The following STX8 variants were observed in gnomAD, a reference collection of about 807,000 sequenced individuals.
STX8 encodes the protein syntaxin 8, also known as syntaxin-8.
In STX8, 23 loss-of-function variants were observed where a neutral mutation model predicts 37.5. That is an observed-to-expected ratio of 0.61 (90% CI 0.44 to 0.87). The LOEUF (loss-of-function observed/expected upper bound fraction) is 0.87, where lower values mean the gene tolerates loss of function less well. STX8 is among the 40% of genes least tolerant of loss of function. STX8 has a pLI of 0.00. For synonymous variants in STX8, 115 were observed against 99.1 expected (o/e 1.16, Z -0.95); for missense variants, 313 against 284.7 (o/e 1.10, Z -0.71).
intron 7 of STX8, among the ~76,000 whole-genome samples, chr17:9,283,720 G>A (rs1470936657): frequency 1.3e-5 from 2 of 152,152 alleles, no homozygotes; most frequent in Non-Finnish European, 2.9e-5. Flanking sequence ...TAAAAGCAAT[G>A]TTTTCAATAA....
intron 6 of STX8, among the ~76,000 whole-genome samples, chr17:9,485,569 G>C (rs1485771200): frequency 6.8e-6 from 1 of 146,310 alleles, no homozygotes; most frequent in Non-Finnish European, 1.5e-5. Context: ...GGAGTTCTTT[G>C]TTTTTGTTTT....
chr17:9,465,573 T>C (rs1905574583), intron 6 of STX8, among the ~76,000 whole-genome samples: 3 of 152,196 alleles, frequency 2.0e-5, no homozygotes, highest in South Asian at 2.1e-4. Flanking sequence ...AGATCAGCCA[T>C]ATCACAGGTG....
chr17:9,332,970 T>C (rs1199843761), intron 7 of STX8, among the ~76,000 whole-genome samples: 1 of 152,216 alleles, frequency 6.6e-6, no homozygotes, highest in Non-Finnish European at 1.5e-5. Flanking sequence ...GGCTTCAAGA[T>C]GAGAACGAGA....
chr17:9,533,335 A>G (rs1905894386), intron 4 of STX8, among the ~76,000 whole-genome samples: 1 of 152,076 alleles, frequency 6.6e-6, no homozygotes, highest in African/African-American at 2.4e-5. Flanking sequence ...GGGCAGGGTG[A>G]TATGTGCCTG....
At chr17:9,256,023 T>C (rs1906784091) in intron 7 of STX8, among the ~76,000 whole-genome samples, 1 of 152,238 alleles carries the variant, frequency 6.6e-6, no homozygotes, top group South Asian at 2.1e-4. Flanking sequence ...CAGGGAAAGC[T>C]GAGCCACACC....
At chr17:9,370,565 A>G (rs552390054) in intron 7 of STX8, among the ~76,000 whole-genome samples, 1 of 152,302 alleles carries the variant, frequency 6.6e-6, no homozygotes, top group Admixed American at 6.5e-5. Flanking sequence ...GTCGATTGAG[A>G]CAGCATTAAT....
intron 6 of STX8, among the ~76,000 whole-genome samples, chr17:9,426,482 G>A (rs1194725690): frequency 6.6e-6 from 1 of 152,100 alleles, no homozygotes; most frequent in African/African-American, 2.4e-5. Context: ...AGCCAAGATC[G>A]TGCCACTGCA....
intron 7 of STX8, among the ~76,000 whole-genome samples, chr17:9,256,028 C>T (rs1162230784): frequency 2.0e-5 from 3 of 152,188 alleles, no homozygotes; most frequent in Admixed American, 2.0e-4. Flanking sequence ...AAAGCTGAGC[C>T]ACACCGTTCA....
At chr17:9,549,999 G>A (rs184021197) in intron 3 of STX8, among the ~76,000 whole-genome samples, 30 of 152,210 alleles carry the variant, frequency 2.0e-4, no homozygotes, top group Admixed American at 1.9e-3. Flanking sequence ...TGAGGCAGGC[G>A]GATCATGAGG....
At chr17:9,560,052 G>A (rs8079996) in intron 2 of STX8, among the ~76,000 whole-genome samples, 102,604 of 148,998 alleles carry the variant, frequency 0.69, 37,706 homozygotes, top group East Asian at 0.98. Context: ...ATGAGCCACC[G>A]CGCCCAGACT....
At chr17:9,564,654 T>C (rs926725100) in intron 2 of STX8, among the ~76,000 whole-genome samples, 1 of 151,962 alleles carries the variant, frequency 6.6e-6, no homozygotes, top group Admixed American at 6.6e-5. Context: ...AACCATGAGG[T>C]AAAGATCTCT....
intron 4 of STX8, among the ~76,000 whole-genome samples, chr17:9,529,894 C>T (rs372138240): frequency 6.6e-6 from 1 of 152,074 alleles, no homozygotes; most frequent in African/African-American, 2.4e-5. Context: ...GTGGGAGAAT[C>T]GCGTGAGCCC....
At chr17:9,357,697 A>T (rs1032187226) in intron 7 of STX8, among the ~76,000 whole-genome samples, 1 of 152,126 alleles carries the variant, frequency 6.6e-6, no homozygotes, top group African/African-American at 2.4e-5. Context: ...TCTGTCTCAA[A>T]AAAATAAAAT....
intron 6 of STX8, among the ~76,000 whole-genome samples, chr17:9,404,960 T>C (rs1393867828): frequency 1.3e-5 from 2 of 152,134 alleles, no homozygotes; most frequent in East Asian, 1.9e-4. Context: ...TTGAAACCCT[T>C]CAACCTCCAC....
At chr17:9,277,040 T>C (rs995726847) in intron 7 of STX8, among the ~76,000 whole-genome samples, 1 of 151,990 alleles carries the variant, frequency 6.6e-6, no homozygotes, top group Non-Finnish European at 1.5e-5. Flanking sequence ...CTTGAACTCT[T>C]GGGCTCAAAC....
chr17:9,544,310 C>T (rs111999025), intron 4 of STX8, among the ~76,000 whole-genome samples: 1,702 of 152,208 alleles, frequency 0.011, 36 homozygotes, highest in African/African-American at 0.038. Context: ...TAGCAATTTA[C>T]GGTTCATCAA....
Position 9,299,760 on chromosome 17 carries a change from T to C in STX8, c.644-49115A>G, listed in dbSNP as rs1908701679. ...CTCGGGCCATTCTTACATTATTTAA[T>C]ACTGGTCATACCACTTCCTGCTTCC... On this transcript the variant is annotated intron_variant, in intron 7 of 7. Coordinates refer to ENST00000306357, the MANE Select transcript of STX8 (RefSeq NM_004853.3). 3.3e-5 allele frequency among the ~76,000 whole-genome samples: 5 copies of C among 152,264 alleles called. No individual in the cohort carries two copies. In the South Asian group the frequency reaches 8.3e-4, roughly 25 times the overall value.
intron 7 of STX8, among the ~76,000 whole-genome samples, chr17:9,329,581 T>TG (rs1366472126): frequency 1.3e-5 from 2 of 152,218 alleles, no homozygotes; most frequent in Non-Finnish European, 2.9e-5. Flanking sequence ...CCCACCCACC[T>TG]GGGTCTGAAT....
chr17:9,333,203 T>C (rs1384907520), intron 7 of STX8, among the ~76,000 whole-genome samples: 2 of 152,076 alleles, frequency 1.3e-5, no homozygotes, highest in African/African-American at 4.8e-5. Context: ...CTCAGCGAGG[T>C]AGTGAGCACA....
Sources: allele counts gnomAD v4.1 joint callset (sites outside exome capture counted in the v4.1 genomes callset), GRCh38; gene constraint gnomAD v4.1.1; transcripts MANE v1.5; gene names NCBI Gene and HGNC (gene_info 2026-07-23, HGNC 2026-07-21).